Variants in CHSY3 observed in about 807,000 individuals in gnomAD.
CHSY3 encodes N-acetylgalactosaminyl-proteoglycan 3-beta-glucuronosyltransferase 3.
A neutral mutation model predicts 67.2 loss-of-function variants in CHSY3; 35 were observed. The ratio of observed to expected loss-of-function variants is 0.52; its 90% CI spans 0.40 to 0.69. CHSY3 has a LOEUF of 0.69. Among genes scored for constraint, CHSY3 ranks in the 30% least tolerant of loss-of-function variants. The pLI is 0.00. For synonymous variants in CHSY3, 474 were observed against 434.7 expected, an observed-to-expected ratio of 1.09 and a Z score of -1.12; for missense variants, 1,069 against 1,138.5, an observed-to-expected ratio of 0.94 and a Z score of 0.88.
intron 1 of CHSY3, 155 bp downstream of exon 1, chr5:129,905,786 C>A (rs1000758655): frequency 7.1e-7 from 1 of 1,406,930 alleles, no homozygotes; most frequent in Non-Finnish European, 9.3e-7. Flanking sequence ...CCCCTTGCAT[C>A]CGCCCACAAT....
chr5:129,991,702 C>A (rs1002811156), intron 2 of CHSY3, among the ~76,000 whole-genome samples: 1 of 151,798 alleles, frequency 6.6e-6, no homozygotes, highest in Non-Finnish European at 1.5e-5. Flanking sequence ...GCAGCATAGG[C>A]AATAGCTATC....
intron 2 of CHSY3, among the ~76,000 whole-genome samples, chr5:129,923,728 AGAATT>A (rs1193934905): frequency 6.6e-6 from 1 of 152,208 alleles, no homozygotes. Flanking sequence ...AAGGGAAACT[AGAATT>A]GAAGAAGGCA....
At chr5:130,099,630 A>C (rs2149697607) in intron 2 of CHSY3, among the ~76,000 whole-genome samples, 1 of 152,318 alleles carries the variant, frequency 6.6e-6, no homozygotes, top group African/African-American at 2.4e-5. Flanking sequence ...TCAGAATTTC[A>C]TCTTTTCATT....
At chr5:130,071,048 G>A (rs905412510) in intron 2 of CHSY3, among the ~76,000 whole-genome samples, 13 of 151,850 alleles carry the variant, frequency 8.6e-5, no homozygotes, top group African/African-American at 1.7e-4. Flanking sequence ...ACAGAGAGAC[G>A]GATAGTAATA....
intron 2 of CHSY3, among the ~76,000 whole-genome samples, chr5:129,922,264 T>G (rs959311717): frequency 6.6e-6 from 1 of 152,238 alleles, no homozygotes; most frequent in Non-Finnish European, 1.5e-5. Flanking sequence ...ATCCCATATC[T>G]TGGCTATTGT....
At chr5:129,906,010 A>C in intron 1 of CHSY3, 25 of 234,768 alleles carry the variant, frequency 1.1e-4, no homozygotes, top group East Asian at 2.0e-4. Flanking sequence ...AGTTTCCCCA[A>C]TCGGTCCAGA....
At chr5:130,120,055 ATAAAT>A (rs1346017761) in intron 2 of CHSY3, among the ~76,000 whole-genome samples, 9 of 152,200 alleles carry the variant, frequency 5.9e-5, no homozygotes, top group Non-Finnish European at 4.4e-5. Flanking sequence ...TTTAAAAAGC[ATAAAT>A]TAAACTATCA....
chr5:130,060,299 C>T (rs114655839), intron 2 of CHSY3, among the ~76,000 whole-genome samples: 1,728 of 152,096 alleles, frequency 0.011, 26 homozygotes, highest in African/African-American at 0.038. Flanking sequence ...CATAAACAGC[C>T]GTACAAACAA....
intron 2 of CHSY3, among the ~76,000 whole-genome samples, chr5:130,041,049 T>C (rs1318375972): frequency 6.6e-6 from 1 of 152,146 alleles, no homozygotes; most frequent in African/African-American, 2.4e-5. Context: ...TCTGCACTTG[T>C]GCTGTCGATG....
chr5:130,021,440 C>T (rs1485134850), intron 2 of CHSY3, among the ~76,000 whole-genome samples: 1 of 152,028 alleles, frequency 6.6e-6, no homozygotes, highest in Admixed American at 6.6e-5. Flanking sequence ...TCTTCATATC[C>T]TACCAAATAT....
chr5:130,163,991 A>G lies in CHSY3; in HGVS notation c.1087-20238A>G, dbSNP rs960337327. On this transcript the variant is annotated intron_variant, in intron 2 of 2. Transcript: ENST00000305031. ...GGTGAAAACTCAGGTGATAACAGCG[A>G]TTTTTCCCATTTGACAGAATTTTCT... 1.1e-4 allele frequency among the ~76,000 whole-genome samples: 17 copies of G among 152,140 alleles called. 1 individual carries two copies. In the South Asian group the frequency reaches 2.9e-3, roughly 26 times the overall value.
intron 2 of CHSY3, among the ~76,000 whole-genome samples, chr5:130,113,111 C>CGT (rs3065057): frequency 1.4e-4 from 4 of 27,822 alleles, no homozygotes; most frequent in African/African-American, 4.3e-4. Context: ...TGATATAATA[C>CGT]GTGTGTGTGT....
At chr5:130,014,416 T>G (rs1439565462) in intron 2 of CHSY3, among the ~76,000 whole-genome samples, 1 of 152,224 alleles carries the variant, frequency 6.6e-6, no homozygotes, top group African/African-American at 2.4e-5. Flanking sequence ...TTCACATGGC[T>G]AGGGAGACCT....
At chr5:129,991,156 A>G (rs1321156614) in intron 2 of CHSY3, among the ~76,000 whole-genome samples, 1 of 152,186 alleles carries the variant, frequency 6.6e-6, no homozygotes, top group African/African-American at 2.4e-5. Flanking sequence ...ATTTAAGTTG[A>G]AGAATAGCAT....
At chr5:130,176,218 A>T (rs957501722) in intron 2 of CHSY3, among the ~76,000 whole-genome samples, 7 of 152,202 alleles carry the variant, frequency 4.6e-5, no homozygotes, top group Non-Finnish European at 1.0e-4. Flanking sequence ...TCAAAAGAAG[A>T]CATTTATGCA....
At chr5:129,979,726 A>G (rs1762928616) in intron 2 of CHSY3, among the ~76,000 whole-genome samples, 1 of 152,212 alleles carries the variant, frequency 6.6e-6, no homozygotes, top group African/African-American at 2.4e-5. Flanking sequence ...GGAGTACATT[A>G]TAAATATCCT....
chr5:130,126,480 T>A (rs1048648679), intron 2 of CHSY3, among the ~76,000 whole-genome samples: 2 of 152,082 alleles, frequency 1.3e-5, no homozygotes, highest in African/African-American at 4.8e-5. Flanking sequence ...CCATTTGTCT[T>A]TTTTTCTCTG....
intron 2 of CHSY3, among the ~76,000 whole-genome samples, chr5:130,003,346 G>A (rs78876271): frequency 0.013 from 1,927 of 152,290 alleles, 18 homozygotes; most frequent in Non-Finnish European, 0.021. Context: ...AGGAGCAATA[G>A]TTTTAGTTCC....
At position 130,175,917 on chromosome 5, in the gene CHSY3, C is replaced by G. The variant is rs184030832; in HGVS notation, c.1087-8312C>G. On this transcript the variant is annotated intron_variant, in intron 2 of 2. Coordinates refer to ENST00000305031, the MANE Select transcript of CHSY3 (RefSeq NM_175856.5). ...AGAAACCCTAGAAGAAAACCTAGGC[C>G]ATACCATTCAGGACATAGGCACGGG... 1.3e-3 allele frequency among the ~76,000 whole-genome samples: 198 copies of G among 152,088 alleles called. 2 individuals carry two copies. Among genetic ancestry groups the G allele is most frequent in the East Asian group, 7.4e-3 (38 of 5,162 alleles).
Sources: allele counts gnomAD v4.1 joint callset (sites outside exome capture counted in the v4.1 genomes callset), GRCh38; gene constraint gnomAD v4.1.1; transcripts MANE v1.5; gene names NCBI Gene and HGNC (gene_info 2026-07-23, HGNC 2026-07-21).